The following PTPRR variants were observed in gnomAD, a reference collection of about 807,000 sequenced individuals.
PTPRR encodes the protein receptor-type tyrosine-protein phosphatase R.
PTPRR carries 38 observed loss-of-function variants against 77.2 expected under a neutral mutation model. The observed-to-expected ratio is 0.49, with a 90% CI of 0.38 to 0.65. The LOEUF is 0.65. Ranked by LOEUF, PTPRR falls within the 30% of genes least tolerant of loss-of-function variation. The pLI is 0.00. For missense variants in PTPRR, 744 were observed against 799.2 expected (o/e 0.93, Z 0.83); for synonymous variants, 299 against 283.1 (o/e 1.06, Z -0.57).
chr12:70,800,342 A>G (rs1466396987), intron 2 of PTPRR, among the ~76,000 whole-genome samples: 1 of 150,984 alleles, frequency 6.6e-6, no homozygotes, highest in African/African-American at 2.4e-5. Context: ...GCGATATGGT[A>G]TCAAAGAGAA....
At chr12:70,644,221 CT>C (rs1049891750) in intron 13 of PTPRR, among the ~76,000 whole-genome samples, 6 of 152,166 alleles carry the variant, frequency 3.9e-5, no homozygotes, top group Admixed American at 3.9e-4. Flanking sequence ...TAAATAAACT[CT>C]TTAAAATTTT....
At chr12:70,854,918 A>G (rs1016437781) in intron 2 of PTPRR, among the ~76,000 whole-genome samples, 10 of 152,200 alleles carry the variant, frequency 6.6e-5, no homozygotes, top group Non-Finnish European at 1.5e-5. Flanking sequence ...TGCTATTTTT[A>G]CCCAATGTGG....
intron 6 of PTPRR, among the ~76,000 whole-genome samples, chr12:70,741,121 C>A (rs1358015154): frequency 1.3e-5 from 2 of 152,046 alleles, no homozygotes; most frequent in Non-Finnish European, 2.9e-5. Context: ...TGAGGTTAGT[C>A]ATAAAAAAGA....
At chr12:70,648,118 C>T (rs949544799) in intron 13 of PTPRR, among the ~76,000 whole-genome samples, 2 of 152,130 alleles carry the variant, frequency 1.3e-5, no homozygotes, top group Admixed American at 6.5e-5. Flanking sequence ...AAGTTCAGTT[C>T]AGAGTGTTTT....
At chr12:70,784,052 A>G (rs2137001557) in intron 2 of PTPRR, among the ~76,000 whole-genome samples, 1 of 128,554 alleles carries the variant, frequency 7.8e-6, no homozygotes, top group East Asian at 2.0e-4. Context: ...GAATGCAGGG[A>G]TGCCTGGGTC....
At chr12:70,673,992 A>G (rs888766559) in intron 10 of PTPRR, among the ~76,000 whole-genome samples, 3 of 152,148 alleles carry the variant, frequency 2.0e-5, no homozygotes, top group Admixed American at 1.3e-4. Flanking sequence ...AGTGCAGAGT[A>G]GCCCAATCAT....
At chr12:70,711,067 C>T (rs554436967) in intron 6 of PTPRR, among the ~76,000 whole-genome samples, 1 of 152,206 alleles carries the variant, frequency 6.6e-6, no homozygotes, top group East Asian at 1.9e-4. Context: ...ATAAATTGCT[C>T]TATTATAAAG....
At chr12:70,910,906 A>G (rs1893689831) in intron 1 of PTPRR, among the ~76,000 whole-genome samples, 1 of 152,224 alleles carries the variant, frequency 6.6e-6, no homozygotes, top group African/African-American at 2.4e-5. Context: ...GAAGTGAAGC[A>G]TCATGAAAAA....
chr12:70,902,437 G>C (rs56065145), intron 1 of PTPRR, among the ~76,000 whole-genome samples: 6,729 of 151,724 alleles, frequency 0.044, 484 homozygotes, highest in African/African-American at 0.15. Context: ...ATCAACGAGT[G>C]GGTAAAGAGA....
chr12:70,690,867 T>G lies in PTPRR; in HGVS notation c.1280-6084A>C, dbSNP rs111249719. 5.6e-3 allele frequency among the ~76,000 whole-genome samples: 851 copies of G among 152,302 alleles called. 6 individuals are homozygous for G. Among genetic ancestry groups the G allele is most frequent in the African/African-American group, 0.02 (813 of 41,572 alleles). ...CATCATTTGCATACATTAATATTAC[T>G]AATTCGTCTCTTTATGATTTCTTTG... On this transcript the variant is annotated intron_variant, in intron 8 of 13. Coordinates refer to ENST00000283228, the MANE Select transcript of PTPRR (RefSeq NM_002849.4).
intron 2 of PTPRR, among the ~76,000 whole-genome samples, chr12:70,884,141 T>G (rs972186350): frequency 1.4e-4 from 22 of 152,144 alleles, no homozygotes; most frequent in Non-Finnish European, 5.9e-5. Flanking sequence ...AGCTTTTGTA[T>G]TTTTCCTAAA....
chr12:70,734,955 A>G (rs1889810878), intron 6 of PTPRR, among the ~76,000 whole-genome samples: 1 of 152,258 alleles, frequency 6.6e-6, no homozygotes, highest in Non-Finnish European at 1.5e-5. Context: ...TTGTCTCATG[A>G]CGTACCATTA....
chr12:70,818,227 C>T (rs1405994053), intron 2 of PTPRR, among the ~76,000 whole-genome samples: 2 of 139,736 alleles, frequency 1.4e-5, no homozygotes, highest in Non-Finnish European at 3.1e-5. Flanking sequence ...CAAAGTGAAA[C>T]TCCGTCTCAA....
At chr12:70,744,807 T>TC (rs1479547536) in intron 6 of PTPRR, among the ~76,000 whole-genome samples, 2 of 152,198 alleles carry the variant, frequency 1.3e-5, no homozygotes, top group African/African-American at 4.8e-5. Flanking sequence ...GAACTTACTC[T>TC]CCCACTACCC....
At chr12:70,723,801 C>G (rs1467227465) in intron 6 of PTPRR, among the ~76,000 whole-genome samples, 2 of 152,104 alleles carry the variant, frequency 1.3e-5, no homozygotes, top group Non-Finnish European at 2.9e-5. Context: ...CATGGCCCAA[C>G]TCAATTTTAT....
intron 10 of PTPRR, chr12:70,672,486 C>T (rs1409302487): frequency 8.6e-6 from 10 of 1,162,812 alleles, no homozygotes; most frequent in African/African-American, 3.0e-5. Flanking sequence ...CGGCTCATAA[C>T]GTGAGTGCTC....
intron 2 of PTPRR, among the ~76,000 whole-genome samples, chr12:70,850,398 A>T (rs1459900337): frequency 6.6e-6 from 1 of 152,080 alleles, no homozygotes; most frequent in Non-Finnish European, 1.5e-5. Flanking sequence ...ATCTATTTCC[A>T]GAAAGATCAA....
intron 1 of PTPRR, among the ~76,000 whole-genome samples, chr12:70,915,866 A>T (rs1893767757): frequency 6.6e-6 from 1 of 152,146 alleles, no homozygotes; most frequent in African/African-American, 2.4e-5. Context: ...AAGAGACCAG[A>T]AATATCACTG....
At chr12:70,790,947 C>T (rs1891412216) in intron 2 of PTPRR, among the ~76,000 whole-genome samples, 1 of 152,118 alleles carries the variant, frequency 6.6e-6, no homozygotes, top group Non-Finnish European at 1.5e-5. Flanking sequence ...GTTAGCATTA[C>T]CTATCAACAA....
Sources: allele counts gnomAD v4.1 joint callset (sites outside exome capture counted in the v4.1 genomes callset), GRCh38; gene constraint gnomAD v4.1.1; transcripts MANE v1.5; gene names NCBI Gene and HGNC (gene_info 2026-07-23, HGNC 2026-07-21).